TPR: variants seen among roughly 807,000 people sequenced by gnomAD.
The protein encoded by TPR is translocated promoter region, nuclear basket protein.
A neutral mutation model predicts 316.1 loss-of-function variants in TPR; 51 were observed. The ratio of observed to expected loss-of-function variants is 0.16; its 90% CI spans 0.13 to 0.20. The LOEUF is 0.20. Among genes scored for constraint, TPR ranks in the 10% least tolerant of loss-of-function variants. TPR has a pLI of 1.00. For missense variants in TPR, 2,272 were observed against 2,754.8 expected, an observed-to-expected ratio of 0.82 and a Z score of 3.92; for synonymous variants, 981 against 914.7, an observed-to-expected ratio of 1.07 and a Z score of -1.31.
intron 14 of TPR, 32 bp downstream of exon 14, chr1:186,357,365 T>C: frequency 6.2e-7 from 1 of 1,604,364 alleles, no homozygotes; most frequent in East Asian, 2.2e-5. Context: ...CATAAATGTT[T>C]GCTCAACAAG....
intron 13 of TPR, among the ~76,000 whole-genome samples, 171 bp from the exon 14 acceptor site, chr1:186,357,794 T>C (rs1659071990): frequency 6.6e-6 from 1 of 152,214 alleles, no homozygotes; most frequent in Admixed American, 6.5e-5. Context: ...AACAATCAAA[T>C]TTTAATAGAA....
At chr1:186,322,864 T>G (rs1657810052) in intron 43 of TPR, among the ~76,000 whole-genome samples, 1 of 152,244 alleles carries the variant, frequency 6.6e-6, no homozygotes, top group Admixed American at 6.5e-5. Context: ...ATCTTGTATG[T>G]AAACAAATTT....
At chr1:186,370,296 G>C (rs954920389) in intron 3 of TPR, among the ~76,000 whole-genome samples, 2 of 151,942 alleles carry the variant, frequency 1.3e-5, no homozygotes, top group Admixed American at 1.3e-4. Context: ...CATTAATTTG[G>C]AAAACATTTC....
At chr1:186,331,384 A>C (rs1332744080) in intron 39 of TPR, 114 bp downstream of exon 39, 1 of 657,994 alleles carries the variant, frequency 1.5e-6, no homozygotes, top group Admixed American at 3.0e-5. Flanking sequence ...GTATTTCATT[A>C]CATATAATAA....
intron 21 of TPR, among the ~76,000 whole-genome samples, chr1:186,347,785 G>A (rs1658727030): frequency 6.6e-6 from 1 of 152,212 alleles, no homozygotes; most frequent in African/African-American, 2.4e-5. Flanking sequence ...GTTACGGGAA[G>A]TCAGGGACCC....
At chr1:186,345,045 G>T (rs999186738) in intron 24 of TPR, among the ~76,000 whole-genome samples, 3 of 152,138 alleles carry the variant, frequency 2.0e-5, no homozygotes, top group Non-Finnish European at 4.4e-5. Flanking sequence ...TACCATTTTA[G>T]TAACTCTGAA....
chr1:186,321,405 C>T (rs1198287468), intron 45 of TPR, among the ~76,000 whole-genome samples: 7 of 152,140 alleles, frequency 4.6e-5, no homozygotes, highest in African/African-American at 4.8e-5. Context: ...GCCTTTCAAC[C>T]GTTTAAGAGG....
At chr1:186,369,524 T>C (rs1413246350) in intron 3 of TPR, among the ~76,000 whole-genome samples, 1 of 152,162 alleles carries the variant, frequency 6.6e-6, no homozygotes, top group African/African-American at 2.4e-5. Context: ...AATCTTTTCT[T>C]AATTTCTTTT....
At chr1:186,349,593 G>A (rs1348543585) in intron 21 of TPR, among the ~76,000 whole-genome samples, 1 of 151,550 alleles carries the variant, frequency 6.6e-6, no homozygotes, top group African/African-American at 2.4e-5. Flanking sequence ...CTGGAAGGCG[G>A]AGCTTGCAGT....
chr1:186,348,842 G>T (rs1001742492), intron 21 of TPR, among the ~76,000 whole-genome samples: 4 of 152,042 alleles, frequency 2.6e-5, no homozygotes, highest in South Asian at 2.1e-4. Context: ...AATTTTTATT[G>T]TAAGTACATA....
In TPR at chr1:186,339,666, C is replaced by T; in HGVS notation, c.4127G>A (p.Gly1376Asp). 4 of 1,584,854 alleles carry T rather than the reference C, an allele frequency of 2.5e-6. No homozygotes were observed. Among genetic ancestry groups the T allele is most frequent in the Non-Finnish European group, 2.6e-6 (3 of 1,166,810 alleles). The change falls in exon 30 of 51, where the codon GGT becomes GAT. Residue 1376 changes from glycine to aspartate, a missense_variant. Coordinates refer to ENST00000367478, the MANE Select transcript of TPR (RefSeq NM_003292.3). Reference protein sequence around the residue: ...KRIQQLTEEIGRLKAEIARSN... With the variant: ...KRIQQLTEEIDRLKAEIARSN... Reference sequence around the variant, plus strand: ...CCTTGCAATTTCAGCTTTAAGTCTACCAATTTCTTCTGTCAATTGTTGAAT... The same window carrying T: ...CCTTGCAATTTCAGCTTTAAGTCTATCAATTTCTTCTGTCAATTGTTGAAT...
chr1:186,312,424 C>A lies in TPR; in HGVS notation c.*1547G>T. 1 of 1,485,144 alleles carries A rather than the reference C, an allele frequency of 6.7e-7. No homozygotes were observed. The highest frequency in any genetic ancestry group is 9.2e-7 in the Non-Finnish European group (1 of 1,083,398). The allele number at this position is 1,485,144 out of a possible 1,614,324, so 92.0% of individuals were successfully genotyped here. On this transcript the variant is annotated 3_prime_UTR_variant, in exon 51 of 51. Coordinates refer to ENST00000367478, the MANE Select transcript of TPR (RefSeq NM_003292.3). ...TCCTTAAACATAAGTAGATGTAATA[C>A]AGTTTCTTATACAGTAAGGCTTATG... is the stretch of plus-strand genomic sequence containing the variant.
At chr1:186,347,591 G>A (rs539482909) in intron 21 of TPR, 133 bp from the exon 22 acceptor site, 32 of 889,448 alleles carry the variant, frequency 3.6e-5, no homozygotes, top group Non-Finnish European at 4.0e-5. Context: ...AATCCATGCC[G>A]AATACCAAAA....
Position 186,356,323 on chromosome 1 carries a change from T to A in TPR, c.1851A>T (p.Leu617Phe), listed in dbSNP as rs1243630941. ...TGGCAACTCCTGTTGTTTGTGACAA[T>A]AAAATACGGTACATATCACGCTGAC... ...IVRQRDMYRILLSQTTGVAIP... is the reference protein window; with the variant it reads ...IVRQRDMYRIFLSQTTGVAIP... The change falls in exon 15 of 51, where the codon TTA (leucine) becomes TTT (phenylalanine). Residue 617 changes from leucine to phenylalanine, a missense_variant. Transcript: ENST00000367478. The A allele has an allele frequency of 6.2e-7, 1 of 1,610,728 alleles. No individual in the cohort carries two copies. The highest frequency in any genetic ancestry group is 2.2e-5 in the East Asian group (1 of 44,806).
At chr1:186,330,838 A>T (rs1313475004) in intron 39 of TPR, among the ~76,000 whole-genome samples, 1 of 152,158 alleles carries the variant, frequency 6.6e-6, no homozygotes, top group East Asian at 1.9e-4. Flanking sequence ...GAAGGAAGAA[A>T]GGAAAGTAAT....
At position 186,338,063 on chromosome 1, in the gene TPR, T is replaced by A; in HGVS notation, c.4332A>T (p.Gln1444His). The stretch of plus-strand genomic sequence containing the variant: ...CCTGTTGTGCTTTAAGTTCTTCATA[T>A]TGAGTCTTGTACCTACGTCCAATTT... ...VKKIGRRYKT[Q>H]YEELKAQQDK... Residue 1444 changes from glutamine (Q) to histidine (H), a missense_variant, in exon 31 of 51, where the codon CAA becomes CAT. Gln to His is a conservative substitution (Grantham distance 24). Transcript: ENST00000367478. The A allele has an allele frequency of 6.2e-7, 1 of 1,609,954 alleles. No individual in the cohort carries two copies. The highest frequency in any genetic ancestry group is 8.5e-7 in the Non-Finnish European group (1 of 1,179,020).
chr1:186,338,600 TG>T (rs1470288932), intron 30 of TPR, among the ~76,000 whole-genome samples: 2 of 152,260 alleles, frequency 1.3e-5, no homozygotes, highest in Non-Finnish European at 2.9e-5. Context: ...AAATTTTTTC[TG>T]TAAAAGGGCC....
chr1:186,311,780 C>A lies in TPR; in HGVS notation c.*2191G>T. The stretch of plus-strand genomic sequence containing the variant: ...CTCAATTTTTATTTTCATTTCTTCA[C>A]AGGCAAGTCACAATTCATTTGAGTT... On this transcript the variant is annotated 3_prime_UTR_variant, in exon 51 of 51. Transcript: ENST00000367478. The A allele has an allele frequency of 1.5e-6, 1 of 666,220 alleles. No individual in the cohort carries two copies. The highest frequency in any genetic ancestry group is 2.5e-6 in the Non-Finnish European group (1 of 400,218). 41.3% of individuals were successfully genotyped at this position (666,220 alleles called of 1,614,324 possible).
At position 186,351,485 on chromosome 1, in the gene TPR, A is replaced by T. The variant is rs201855542; in HGVS notation, c.2470-15T>A. The T allele has an allele frequency of 3.2e-6, 5 of 1,549,216 alleles. No homozygotes were observed. In the African/African-American group the frequency reaches 7.0e-5, roughly 22 times the overall value. The stretch of plus-strand genomic sequence containing the variant: ...TCCAGTATTCCCTAAAGCAAAGAAA[A>T]GATTTTTGGTTATGCTTAAGAAAAA... On this transcript the variant is annotated splice_polypyrimidine_tract_variant and intron_variant, in intron 19 of 50. Transcript: ENST00000367478.
Sources: allele counts gnomAD v4.1 joint callset (sites outside exome capture counted in the v4.1 genomes callset), GRCh38; gene constraint gnomAD v4.1.1; transcripts MANE v1.5; gene names NCBI Gene and HGNC (gene_info 2026-07-23, HGNC 2026-07-21).